DLG2: variants seen among roughly 807,000 people sequenced by gnomAD.
The protein encoded by DLG2 is discs large MAGUK scaffold protein 2, also known as disks large homolog 2.
A neutral mutation model predicts 132.5 loss-of-function variants in DLG2; 45 were observed. The ratio of observed to expected loss-of-function variants is 0.34; its 90% CI spans 0.27 to 0.44. The LOEUF (loss-of-function observed/expected upper bound fraction) is 0.44, where lower values mean the gene tolerates loss of function less well. Ranked by LOEUF, DLG2 falls within the 20% of genes least tolerant of loss-of-function variation. The probability of loss-of-function intolerance (pLI) is 1.00; values close to 1 mark genes in which losing one functional copy is unlikely to be tolerated. For missense variants in DLG2, 1,045 were observed against 1,196.9 expected (o/e 0.87, Z 1.87); for synonymous variants, 424 against 419.6 (o/e 1.01, Z -0.13).
intron 3 of DLG2, among the ~76,000 whole-genome samples, chr11:85,530,079 C>T (rs935458492): frequency 1.4e-5 from 2 of 147,798 alleles, no homozygotes; most frequent in African/African-American, 5.0e-5. Flanking sequence ...TCACCACAAC[C>T]TCCACCTCAT....
chr11:84,297,079 T>C (rs764107753), intron 7 of DLG2, among the ~76,000 whole-genome samples: 15 of 151,598 alleles, frequency 9.9e-5, no homozygotes, highest in Non-Finnish European at 1.8e-4. Flanking sequence ...TAAATTATAA[T>C]TGACTTCATA....
In DLG2 at chr11:83,689,946, TA is replaced by T. The variant is rs1566548060; in HGVS notation, c.1826-56622del. On this transcript the variant is annotated intron_variant, in intron 18 of 27. Transcript: ENST00000376104. ...ATTTACATAAATATATAATATATAT[TA>T]TATATATTTATATAATATATATTTA... Among the ~76,000 whole-genome samples, 745 of 138,298 alleles carry T rather than the reference TA, an allele frequency of 5.4e-3. 3 individuals carry two copies. The highest frequency in any genetic ancestry group is 0.019 in the African/African-American group (703 of 37,598). The allele number at this position is 138,298 out of a possible 152,430, so 90.7% of individuals were successfully genotyped here. A position where few individuals can be genotyped will look rare whatever the true frequency, so the allele number is the denominator to read the frequency against.
At chr11:83,757,011 G>A (rs1004473230) in intron 18 of DLG2, among the ~76,000 whole-genome samples, 6 of 152,168 alleles carry the variant, frequency 3.9e-5, no homozygotes, top group Admixed American at 3.9e-4. Flanking sequence ...TGCATATGTG[G>A]CAAGTGTGCC....
At chr11:84,094,186 T>C (rs2097135927) in intron 10 of DLG2, among the ~76,000 whole-genome samples, 1 of 152,088 alleles carries the variant, frequency 6.6e-6, no homozygotes, top group South Asian at 2.1e-4. Flanking sequence ...AGTACAAACT[T>C]AGGGAAGTTG....
At chr11:83,633,779 CA>C in intron 18 of DLG2, among the ~76,000 whole-genome samples, 1 of 148,646 alleles carries the variant, frequency 6.7e-6, no homozygotes, top group Non-Finnish European at 1.5e-5. Flanking sequence ...CACACACACA[CA>C]CAACTGCGGA....
intron 10 of DLG2, among the ~76,000 whole-genome samples, chr11:84,062,830 G>T (rs1317392953): frequency 6.6e-6 from 1 of 151,610 alleles, no homozygotes; most frequent in Non-Finnish European, 1.5e-5. Flanking sequence ...GCCAAACTAG[G>T]GCAGTCAACT....
At chr11:84,238,165 T>C (rs560304115) in intron 8 of DLG2, among the ~76,000 whole-genome samples, 1 of 151,338 alleles carries the variant, frequency 6.6e-6, no homozygotes, top group East Asian at 1.9e-4. Flanking sequence ...AAAATACCTA[T>C]AGTTATCCCT....
chr11:84,978,832 A>C (rs2055306467), intron 6 of DLG2, among the ~76,000 whole-genome samples: 1 of 152,210 alleles, frequency 6.6e-6, no homozygotes, highest in South Asian at 2.1e-4. Context: ...ATTAAACTAA[A>C]GAGCGTCTGC....
At chr11:83,825,336 C>T (rs887060341) in intron 17 of DLG2, among the ~76,000 whole-genome samples, 10 of 151,596 alleles carry the variant, frequency 6.6e-5, no homozygotes, top group African/African-American at 2.2e-4. Flanking sequence ...CATGCACCAC[C>T]ACGTCCGGCT....
intron 7 of DLG2, among the ~76,000 whole-genome samples, chr11:84,507,500 T>G (rs1733973444): frequency 6.6e-6 from 1 of 152,186 alleles, no homozygotes; most frequent in Non-Finnish European, 1.5e-5. Flanking sequence ...TTTGTAAAAC[T>G]GAGTACTAGA....
At chr11:85,105,191 T>G (rs1297128915) in intron 6 of DLG2, among the ~76,000 whole-genome samples, 1 of 151,938 alleles carries the variant, frequency 6.6e-6, no homozygotes, top group Non-Finnish European at 1.5e-5. Context: ...GTAGGTTTTA[T>G]GTGTGCACAC....
At chr11:84,006,637 G>T (rs778137515) in intron 11 of DLG2, among the ~76,000 whole-genome samples, 1 of 151,176 alleles carries the variant, frequency 6.6e-6, no homozygotes, top group Non-Finnish European at 1.5e-5. Context: ...AATATCACAC[G>T]TACCCCATAA....
intron 6 of DLG2, among the ~76,000 whole-genome samples, chr11:85,036,332 T>C (rs925900628): frequency 3.3e-4 from 51 of 152,312 alleles, no homozygotes; most frequent in African/African-American, 1.1e-3. Flanking sequence ...TTGTTTTTTG[T>C]TTTTCCTTCT....
intron 3 of DLG2, among the ~76,000 whole-genome samples, chr11:85,346,265 G>A (rs1366047950): frequency 6.6e-6 from 1 of 151,264 alleles, no homozygotes; most frequent in Non-Finnish European, 1.5e-5. Flanking sequence ...TCGGCTCACT[G>A]CAAGCTCTGC....
At chr11:83,503,853 G>T (rs2094568707) in intron 21 of DLG2, among the ~76,000 whole-genome samples, 1 of 152,004 alleles carries the variant, frequency 6.6e-6, no homozygotes, top group Non-Finnish European at 1.5e-5. Context: ...ACCATCACAA[G>T]TCTACCCCTT....
At chr11:83,653,113 A>G (rs2071135917) in intron 18 of DLG2, among the ~76,000 whole-genome samples, 1 of 152,216 alleles carries the variant, frequency 6.6e-6, no homozygotes, top group South Asian at 2.1e-4. Context: ...ACACAAAATG[A>G]CTGTAAATAT....
intron 6 of DLG2, among the ~76,000 whole-genome samples, chr11:84,607,911 T>C (rs2099588590): frequency 6.6e-6 from 1 of 152,140 alleles, no homozygotes; most frequent in East Asian, 1.9e-4. Flanking sequence ...ATAAGAATAG[T>C]TCTTTACTGC....
chr11:85,045,451 GTAGT>G (rs1199398301), intron 6 of DLG2, among the ~76,000 whole-genome samples: 3 of 151,956 alleles, frequency 2.0e-5, no homozygotes, highest in East Asian at 1.9e-4. Context: ...TGCTTTTGTG[GTAGT>G]TAAACTATAA....
intron 16 of DLG2, among the ~76,000 whole-genome samples, chr11:83,861,335 C>G (rs1427847516): frequency 6.6e-6 from 1 of 152,092 alleles, no homozygotes; most frequent in Non-Finnish European, 1.5e-5. Flanking sequence ...CCTCAAAAAA[C>G]TAAAAATTGA....
Sources: allele counts gnomAD v4.1 joint callset (sites outside exome capture counted in the v4.1 genomes callset), GRCh38; gene constraint gnomAD v4.1.1; transcripts MANE v1.5; gene names NCBI Gene and HGNC (gene_info 2026-07-23, HGNC 2026-07-21).